Variants in WWTR1 observed in about 807,000 individuals in gnomAD.
WWTR1 encodes WW domain containing transcription regulator 1.
A neutral mutation model predicts 40.1 loss-of-function variants in WWTR1; 13 were observed. The ratio of observed to expected loss-of-function variants is 0.32; its 90% CI spans 0.21 to 0.52. WWTR1 has a LOEUF of 0.52. Among genes scored for constraint, WWTR1 ranks in the 20% least tolerant of loss-of-function variants. WWTR1 has a pLI of 0.97. For missense variants in WWTR1, 436 were observed against 523.1 expected (o/e 0.83, Z 1.63); for synonymous variants, 230 against 210.1 (o/e 1.09, Z -0.82).
intron 6 of WWTR1, chr3:149,525,724 T>A (rs1307812658): frequency 1.0e-5 from 2 of 193,920 alleles, no homozygotes; most frequent in Non-Finnish European, 2.1e-5. Context: ...ATTCCATTTT[T>A]TTTTTTTTCA....
Position 149,622,490 on chromosome 3 carries a change from G to GAAAGA in WWTR1, c.431+34385_431+34386insTCTTT, listed in dbSNP as rs1560089654. Among the ~76,000 whole-genome samples the GAAAGA allele has an allele frequency of 1.3e-3, 82 of 62,678 alleles. No individual in the cohort carries two copies. The East Asian group carries it at 0.028, about 21-fold the overall frequency. 41.1% of individuals were successfully genotyped at this position (62,678 alleles called of 152,430 possible). ...GGAAGGAAGGAAGGAAGGAAGGAAG[G>GAAAGA]AAGGAAGGAAGGAAGAAAGAAAGAA... On this transcript the variant is annotated intron_variant, in intron 2 of 6. Transcript: ENST00000360632.
rs545126331 is a variant in WWTR1, at chr3:149,715,235, C to T, written n.584+2207G>A. Among the ~76,000 whole-genome samples, 40 of 152,346 alleles carry T rather than the reference C, an allele frequency of 2.6e-4. No homozygotes were observed. In the South Asian group the frequency reaches 8.3e-3, roughly 32 times the overall value. ...GTTGTGGGTGAAGAGGAGAGAACAC[C>T]TGCGGCCCTTCAGGGAGCCCAGACC... On this transcript the variant is annotated intron_variant and non_coding_transcript_variant, in intron 5 of 6. Transcript: ENST00000474080.
At chr3:149,559,185 T>C (rs1404476743) in intron 3 of WWTR1, among the ~76,000 whole-genome samples, 3 of 150,940 alleles carry the variant, frequency 2.0e-5, no homozygotes, top group Non-Finnish European at 4.4e-5. Flanking sequence ...TCCCAGCTAC[T>C]TGGGAGGCTG....
chr3:149,549,996 G>T (rs561849323), intron 3 of WWTR1, among the ~76,000 whole-genome samples: 1 of 152,318 alleles, frequency 6.6e-6, no homozygotes, highest in East Asian at 1.9e-4. Flanking sequence ...TATAACAAAT[G>T]TAGCATATTA....
At chr3:149,573,956 A>G (rs1025850711) in intron 2 of WWTR1, among the ~76,000 whole-genome samples, 5 of 152,176 alleles carry the variant, frequency 3.3e-5, no homozygotes, top group African/African-American at 1.2e-4. Context: ...ATATATATAT[A>G]TGATGAGTAG....
At chr3:149,714,589 G>T (rs1041944985) in intron 5 of WWTR1, among the ~76,000 whole-genome samples, 4 of 152,228 alleles carry the variant, frequency 2.6e-5, no homozygotes, top group African/African-American at 9.6e-5. Context: ...AGACCAGGGG[G>T]TGCTGAGGAC....
At chr3:149,715,425 T>C (rs1251275529) in intron 5 of WWTR1, among the ~76,000 whole-genome samples, 2 of 152,236 alleles carry the variant, frequency 1.3e-5, no homozygotes, top group African/African-American at 4.8e-5. Flanking sequence ...CACAGAGCGC[T>C]GGCACCCGTG....
rs1735400759 is a variant in WWTR1, at chr3:149,527,909, C to T, written c.832G>A (p.Ala278Thr). The change falls in exon 5 of 7, where the codon GCT (alanine) becomes ACT (threonine). Residue 278 changes from alanine to threonine, a missense_variant. Ala to Thr is a moderately conservative substitution (Grantham distance 58, BLOSUM62 0). Coordinates refer to ENST00000360632, the MANE Select transcript of WWTR1 (RefSeq NM_015472.6). ...EAETLAPVQA[A>T]VNPPTMTPDM... Reference sequence around the variant, plus strand: ...GGGGTCATCGTGGGTGGGTTGACAGCAGCCTGAACTGGGGCAAGAGTCTCA... The same window carrying T: ...GGGGTCATCGTGGGTGGGTTGACAGTAGCCTGAACTGGGGCAAGAGTCTCA... 6.2e-7 allele frequency: 1 copy of T among 1,614,134 alleles called. No individual in the cohort carries two copies. Among genetic ancestry groups the T allele is most frequent in the Non-Finnish European group, 8.5e-7 (1 of 1,180,010 alleles).
chr3:149,665,434 C>A (rs1390551591), intron 2 of WWTR1, among the ~76,000 whole-genome samples: 1 of 151,884 alleles, frequency 6.6e-6, no homozygotes, highest in African/African-American at 2.4e-5. Flanking sequence ...ACCATTTTGG[C>A]CAGGATGTTC....
chr3:149,674,263 CTCTATCTCTT>C lies in WWTR1; in HGVS notation c.-107-4382_-107-4373del, dbSNP rs1481899522. On this transcript the variant is annotated intron_variant, in intron 1 of 7. Transcript: ENST00000465804. ...TCTCTCTCTCTCTCTGTCTGTCTTT[CTCTATCTCTT>C]TCTCTCTCACACACACACACGTAAA... is the stretch of plus-strand genomic sequence containing the variant. 2.1e-5 allele frequency among the ~76,000 whole-genome samples: 3 copies of C among 141,528 alleles called. No individual in the cohort carries two copies. The East Asian group carries it at 7.6e-4, about 36-fold the overall frequency. 92.8% of individuals were successfully genotyped at this position (141,528 alleles called of 152,430 possible).
At chr3:149,588,604 C>T (rs551341745) in intron 2 of WWTR1, among the ~76,000 whole-genome samples, 23 of 152,200 alleles carry the variant, frequency 1.5e-4, no homozygotes, top group East Asian at 7.7e-4. Context: ...AACATAATCC[C>T]GTTTTGGTAA....
chr3:149,646,486 C>T (rs571574530), intron 2 of WWTR1, among the ~76,000 whole-genome samples: 3 of 152,234 alleles, frequency 2.0e-5, no homozygotes, highest in South Asian at 4.1e-4. Flanking sequence ...TCTAGCTCTT[C>T]ATAGGCCAGT....
At chr3:149,678,704 G>A (rs1248665499) in intron 1 of WWTR1, among the ~76,000 whole-genome samples, 2 of 151,908 alleles carry the variant, frequency 1.3e-5, no homozygotes, top group Non-Finnish European at 2.9e-5. Context: ...TTCTATCTCC[G>A]TTATCAGAAA....
At chr3:149,694,202 A>G (rs57330181) in intron 1 of WWTR1, among the ~76,000 whole-genome samples, 4,146 of 152,108 alleles carry the variant, frequency 0.027, 128 homozygotes, top group East Asian at 0.13. Flanking sequence ...GACCAGCCTG[A>G]CCAACATGGG....
In WWTR1 at chr3:149,656,770, C is replaced by CTT. The variant is rs201290484; in HGVS notation, c.431+105_431+106insAA. 2,725 of 882,066 alleles carry CTT rather than the reference C, an allele frequency of 3.1e-3. 29 individuals carry two copies. In the African/African-American group the frequency reaches 0.037, roughly 12 times the overall value. The allele number at this position is 882,066 out of a possible 1,614,324, so 54.6% of individuals were successfully genotyped here. On this transcript the variant is annotated intron_variant, in intron 2 of 6. Coordinates refer to ENST00000360632, the MANE Select transcript of WWTR1 (RefSeq NM_015472.6). ...ACACGCACCATCTCTCTCTTTCTCT[C>CTT]TCTCTCTCTCTCTCTCTCTCTCACA... is the stretch of plus-strand genomic sequence containing the variant.
At chr3:149,716,272 A>T (rs1279876694) in intron 5 of WWTR1, among the ~76,000 whole-genome samples, 1 of 152,074 alleles carries the variant, frequency 6.6e-6, no homozygotes, top group East Asian at 1.9e-4. Flanking sequence ...AATCCCAGCT[A>T]CTCAGAAGGC....
intron 2 of WWTR1, chr3:149,576,326 C>T: frequency 3.1e-6 from 1 of 324,428 alleles, no homozygotes; most frequent in South Asian, 2.7e-5. Context: ...CTCCAGCTCC[C>T]CCTACTTCCC....
intron 3 of WWTR1, among the ~76,000 whole-genome samples, chr3:149,548,290 A>G (rs111599371): frequency 3.9e-5 from 6 of 152,340 alleles, no homozygotes; most frequent in African/African-American, 1.4e-4. Flanking sequence ...AGAGAGCCAC[A>G]GCTCGTAGAG....
At chr3:149,521,664 A>T (rs6806548) in intron 6 of WWTR1, among the ~76,000 whole-genome samples, 42,471 of 152,084 alleles carry the variant, frequency 0.28, 6,730 homozygotes, top group African/African-American at 0.44. Flanking sequence ...ATGTGTATTC[A>T]AATAAAACTG....
Sources: allele counts gnomAD v4.1 joint callset (sites outside exome capture counted in the v4.1 genomes callset), GRCh38; gene constraint gnomAD v4.1.1; transcripts MANE v1.5; gene names NCBI Gene and HGNC (gene_info 2026-07-23, HGNC 2026-07-21).